ZNF532: variants seen among roughly 807,000 people sequenced by gnomAD.
ZNF532 encodes the protein zinc finger protein 532.
Under a neutral mutation model 89.3 loss-of-function variants are expected in ZNF532, and 22 were observed. The observed-to-expected ratio is 0.25, with a 90% CI of 0.18 to 0.35. The LOEUF is 0.35. ZNF532 is among the 10% of genes least tolerant of loss of function. ZNF532 has a pLI of 1.00. For missense variants in ZNF532, 1,132 were observed against 1,643.4 expected, an observed-to-expected ratio of 0.69 and a Z score of 5.38; for synonymous variants, 606 against 649.6, an observed-to-expected ratio of 0.93 and a Z score of 1.02.
At chr18:58,951,337 C>G (rs2077419463) in intron 6 of ZNF532, among the ~76,000 whole-genome samples, 1 of 152,104 alleles carries the variant, frequency 6.6e-6, no homozygotes, top group South Asian at 2.1e-4. Flanking sequence ...TTAAGGTTAT[C>G]TTACAGAAGA....
At position 58,918,983 on chromosome 18, in the gene ZNF532, C is replaced by T. The variant is rs770572347; in HGVS notation, c.696C>T (p.Asp232=). ...KAEDKLKESS[D]KVLENRVLDG... is the part of the protein sequence containing the mutation. ...AGGATAAATTGAAGGAAAGCTCTGA[C>T]AAGGTGCTGGAAAACAGAGTCCTAG... Residue 232 remains aspartate, a synonymous_variant, in exon 3 of 10, where the codon GAC becomes GAT. Coordinates refer to ENST00000591808, the MANE Select transcript of ZNF532 (RefSeq NM_001375912.1). The T allele has an allele frequency of 9.9e-6, 16 of 1,613,486 alleles. No individual in the cohort carries two copies. Among genetic ancestry groups the T allele is most frequent in the Non-Finnish European group, 1.4e-5 (16 of 1,180,044 alleles).
intron 3 of ZNF532, among the ~76,000 whole-genome samples, chr18:58,924,105 C>T (rs952059083): frequency 6.6e-6 from 1 of 152,198 alleles, no homozygotes; most frequent in Non-Finnish European, 1.5e-5. Context: ...GATCCACCCG[C>T]CTTGGCCTCC....
intron 2 of ZNF532, among the ~76,000 whole-genome samples, chr18:58,905,402 T>TC (rs2059869976): frequency 7.9e-6 from 1 of 126,282 alleles, no homozygotes; most frequent in Non-Finnish European, 1.6e-5. Flanking sequence ...TTTTTTTCTT[T>TC]CTTTTTTTTT....
chr18:58,980,635 CATT>C (rs1157057721), intron 8 of ZNF532: 2 of 152,042 alleles, frequency 1.3e-5, no homozygotes, highest in Non-Finnish European at 2.9e-5. Context: ...TAACTAGGGC[CATT>C]ACCTCTTTTT....
At chr18:58,870,572 GA>G (rs137932837) in intron 2 of ZNF532, among the ~76,000 whole-genome samples, 2 of 152,282 alleles carry the variant, frequency 1.3e-5, no homozygotes, top group East Asian at 3.9e-4. Context: ...TGTGTAGGCA[GA>G]AAAGACGGAC....
Position 58,953,627 on chromosome 18 carries a change from A to T in ZNF532, c.2978A>T (p.Asp993Val). The T allele has an allele frequency of 6.2e-7, 1 of 1,614,018 alleles. No homozygotes were observed. Among genetic ancestry groups the T allele is most frequent in the Non-Finnish European group, 8.5e-7 (1 of 1,179,868 alleles). The stretch of plus-strand genomic sequence containing the variant: ...AATTCAGCAAATCAGAACAAAGAGG[A>T]CACCAAATCCATGAATGGGAAAGAG... Reference protein sequence around the residue: ...TQNSANQNKEDTKSMNGKEKL... With the variant: ...TQNSANQNKEVTKSMNGKEKL... The change falls in exon 7 of 10, where the codon GAC becomes GTC. Residue 993 changes from aspartate to valine, a missense_variant. This residue lies in a region of ZNF532 where 415 missense variants were observed against 604.8 expected (regional missense o/e 0.69). Transcript: ENST00000591808.
intron 2 of ZNF532, among the ~76,000 whole-genome samples, chr18:58,865,865 G>T (rs1356844664): frequency 6.6e-6 from 1 of 152,200 alleles, no homozygotes; most frequent in East Asian, 1.9e-4. Context: ...GCCTTGTGGA[G>T]AATGTGCTGT....
chr18:58,961,074 A>G (rs1036793854), intron 7 of ZNF532, among the ~76,000 whole-genome samples: 3 of 152,212 alleles, frequency 2.0e-5, no homozygotes, highest in Non-Finnish European at 4.4e-5. Flanking sequence ...ACTTGGCACC[A>G]TAATCTAGCT....
At chr18:58,870,691 A>G (rs1018395971) in intron 2 of ZNF532, among the ~76,000 whole-genome samples, 10 of 152,076 alleles carry the variant, frequency 6.6e-5, no homozygotes, top group African/African-American at 2.4e-4. Context: ...GAGAGAAAGG[A>G]TGAGGGTCTT....
At chr18:58,899,833 C>T (rs1201836245) in intron 2 of ZNF532, among the ~76,000 whole-genome samples, 1 of 152,158 alleles carries the variant, frequency 6.6e-6, no homozygotes, top group African/African-American at 2.4e-5. Context: ...TACCTTTTCT[C>T]TTCTATCGTC....
intron 2 of ZNF532, among the ~76,000 whole-genome samples, chr18:58,901,531 A>G (rs2059600491): frequency 6.6e-6 from 1 of 152,052 alleles, no homozygotes; most frequent in Non-Finnish European, 1.5e-5. Flanking sequence ...CGCTTAATAT[A>G]TTTTACTATG....
chr18:58,976,180 G>A (rs963554220), intron 7 of ZNF532, among the ~76,000 whole-genome samples: 5 of 152,166 alleles, frequency 3.3e-5, no homozygotes, highest in African/African-American at 1.2e-4. Context: ...CTTGTCACCA[G>A]TGAATTGGAA....
At position 58,877,604 on chromosome 18, in the gene ZNF532, A is replaced by C. The variant is rs542925994; in HGVS notation, c.-18+12025A>C. 7.9e-5 allele frequency among the ~76,000 whole-genome samples: 12 copies of C among 152,316 alleles called. No homozygotes were observed. In the South Asian group the frequency reaches 1.7e-3, roughly 21 times the overall value. On this transcript the variant is annotated intron_variant, in intron 2 of 9. Coordinates refer to ENST00000591808, the MANE Select transcript of ZNF532 (RefSeq NM_001375912.1). ...TCTTACTGGACATCTGGGCACTGAGAGTTCTGTGTTATATGAATCTGGCAC... is the reference window on the plus strand; with the variant it reads ...TCTTACTGGACATCTGGGCACTGAGCGTTCTGTGTTATATGAATCTGGCAC...
rs1418804867 is a variant in ZNF532, at chr18:58,918,447, C to T, written c.160C>T (p.Pro54Ser). 1.2e-6 allele frequency: 2 copies of T among 1,614,064 alleles called. No individual in the cohort carries two copies. The highest frequency in any genetic ancestry group is 4.5e-5 in the East Asian group (2 of 44,894). ...TCACGGAGAGGATGACTCCCACGCA[C>T]CATCATCTTCTGATGTGGGTGTCAG... is the stretch of plus-strand genomic sequence containing the variant. ...NAHGEDDSHA[P>S]SSSDVGVSVI... Residue 54 changes from proline to serine, a missense_variant, in exon 3 of 10, where the codon CCA becomes TCA. Pro to Ser is a moderately conservative substitution (Grantham distance 74). Coordinates refer to ENST00000591808, the MANE Select transcript of ZNF532 (RefSeq NM_001375912.1).
At chr18:58,924,495 C>T (rs554470182) in intron 3 of ZNF532, among the ~76,000 whole-genome samples, 10 of 152,302 alleles carry the variant, frequency 6.6e-5, no homozygotes, top group South Asian at 2.1e-4. Context: ...GCAGGTCCAT[C>T]GCCCTTTACT....
chr18:58,938,171 G>C (rs1274376562), intron 4 of ZNF532, among the ~76,000 whole-genome samples: 3 of 152,192 alleles, frequency 2.0e-5, no homozygotes, highest in African/African-American at 7.2e-5. Flanking sequence ...CTGCCCCCCG[G>C]AAACCAGGCC....
chr18:58,899,032 T>C (rs1457292457), intron 2 of ZNF532, among the ~76,000 whole-genome samples: 1 of 152,258 alleles, frequency 6.6e-6, no homozygotes, highest in African/African-American at 2.4e-5. Context: ...CCCCTTTGTC[T>C]GGAAGCACAG....
At chr18:58,923,080 G>A (rs2061248611) in intron 3 of ZNF532, among the ~76,000 whole-genome samples, 2 of 150,970 alleles carry the variant, frequency 1.3e-5, no homozygotes, top group African/African-American at 2.4e-5. Context: ...ATCCCAAGGA[G>A]TGAATCAGGG....
chr18:58,949,671 G>A (rs1207162119), intron 6 of ZNF532, among the ~76,000 whole-genome samples: 1 of 152,174 alleles, frequency 6.6e-6, no homozygotes, highest in Non-Finnish European at 1.5e-5. Context: ...GCAAGACTCC[G>A]TCTCAGAAAC....
Sources: gnomAD v4.1 joint callset for allele counts (sites outside exome capture counted in the v4.1 genomes callset) on GRCh38, gnomAD v4.1.1 for gene constraint, gnomAD v4.1.1 regional missense constraint, MANE v1.5 for transcripts, NCBI Gene and HGNC (gene_info 2026-07-23, HGNC 2026-07-21) for gene names.